Variants in DNAH12 observed in about 807,000 individuals in gnomAD.
DNAH12 encodes axonemal beta dynein heavy chain 12.
Under a neutral mutation model 371.5 loss-of-function variants are expected in DNAH12, and 285 were observed. The ratio of observed to expected loss-of-function variants is 0.77; its 90% CI spans 0.70 to 0.85. The LOEUF is 0.85. DNAH12 is among the 40% of genes least tolerant of loss of function. DNAH12 has a pLI of 0.00. For missense variants in DNAH12, 3,611 were observed against 3,689.4 expected, an observed-to-expected ratio of 0.98 and a Z score of 0.55; for synonymous variants, 1,200 against 1,213.0, an observed-to-expected ratio of 0.99 and a Z score of 0.22.
At position 57,309,265 on chromosome 3, in the gene DNAH12, A is replaced by G. The variant is rs938586420; in HGVS notation, c.11086-11T>C. 2.0e-6 allele frequency: 3 copies of G among 1,526,048 alleles called. No individual in the cohort carries two copies. The highest frequency in any genetic ancestry group is 2.6e-6 in the Non-Finnish European group (3 of 1,135,768). 94.5% of individuals were successfully genotyped at this position (1,526,048 alleles called of 1,614,324 possible). On this transcript the variant is annotated splice_polypyrimidine_tract_variant and intron_variant, in intron 68 of 73. Transcript: ENST00000495027. ...GAAATCACTAGGGAGCTAAAAGAATAGATTTTGAAGATCACAAATTATTCT... is the reference window on the plus strand; with the variant it reads ...GAAATCACTAGGGAGCTAAAAGAATGGATTTTGAAGATCACAAATTATTCT...
chr3:57,303,835 A>G (rs2061413298), intron 69 of DNAH12, among the ~76,000 whole-genome samples: 1 of 152,178 alleles, frequency 6.6e-6, no homozygotes, highest in African/African-American at 2.4e-5. Context: ...AAGCCATCAT[A>G]TCCCCTGTGA....
At chr3:57,445,011 C>T (rs995108676) in intron 28 of DNAH12, among the ~76,000 whole-genome samples, 163 bp downstream of exon 28, 1 of 150,896 alleles carries the variant, frequency 6.6e-6, no homozygotes, top group African/African-American at 2.4e-5. Flanking sequence ...TCTTTGTATT[C>T]ATATGAAGTA....
chr3:57,508,111 A>G (rs1169953792), intron 7 of DNAH12, among the ~76,000 whole-genome samples: 1 of 150,930 alleles, frequency 6.6e-6, no homozygotes, highest in African/African-American at 2.4e-5. Flanking sequence ...TGCTTGAACC[A>G]GGGAGACAAA....
rs542582807 is a variant in DNAH12, at chr3:57,308,919, A to T, written c.11189+232T>A. Among the ~76,000 whole-genome samples, 29 of 152,004 alleles carry T rather than the reference A, an allele frequency of 1.9e-4. 1 individual carries two copies. Among genetic ancestry groups the T allele is most frequent in the African/African-American group, 7.0e-4 (29 of 41,340 alleles). ...TGTAAGACAAATGTTTCTTCTAACA[A>T]CCCTACAATATCACCCCTTACCACA... On this transcript the variant is annotated intron_variant, in intron 69 of 73. Coordinates refer to ENST00000495027, the MANE Select transcript of DNAH12 (RefSeq NM_001366028.2).
intron 59 of DNAH12, among the ~76,000 whole-genome samples, chr3:57,354,556 A>G (rs1412208620): frequency 1.3e-5 from 2 of 151,810 alleles, no homozygotes; most frequent in Non-Finnish European, 2.9e-5. Flanking sequence ...AAAAGAAAAA[A>G]AAAAAGAAAA....
At chr3:57,308,611 C>T (rs1383525570) in intron 69 of DNAH12, among the ~76,000 whole-genome samples, 3 of 152,188 alleles carry the variant, frequency 2.0e-5, no homozygotes, top group Non-Finnish European at 4.4e-5. Context: ...TTCTCAACTA[C>T]TCATAAATGC....
intron 22 of DNAH12, 114 bp from the exon 23 acceptor site, chr3:57,455,008 T>G: frequency 8.8e-7 from 1 of 1,141,618 alleles, no homozygotes; most frequent in South Asian, 2.4e-5. Flanking sequence ...GAATGTCATA[T>G]AGTCATAAAA....
intron 35 of DNAH12, among the ~76,000 whole-genome samples, chr3:57,424,149 A>T (rs2064682992): frequency 6.6e-6 from 1 of 152,128 alleles, no homozygotes; most frequent in South Asian, 2.1e-4. Flanking sequence ...AAATCACTTT[A>T]TTGTTGATCA....
At chr3:57,423,505 C>G (rs187468872) in intron 35 of DNAH12, among the ~76,000 whole-genome samples, 21 of 152,110 alleles carry the variant, frequency 1.4e-4, no homozygotes, top group Non-Finnish European at 2.9e-4. Context: ...AGCAGGAAAC[C>G]CTGGAATGTG....
At chr3:57,518,419 G>A (rs2068280844) in intron 4 of DNAH12, among the ~76,000 whole-genome samples, 1 of 152,010 alleles carries the variant, frequency 6.6e-6, no homozygotes, top group South Asian at 2.1e-4. Flanking sequence ...CCAGCTATTT[G>A]GGAGCCTGAG....
At chr3:57,518,615 G>T (rs2068293102) in intron 4 of DNAH12, among the ~76,000 whole-genome samples, 1 of 152,172 alleles carries the variant, frequency 6.6e-6, no homozygotes, top group South Asian at 2.1e-4. Flanking sequence ...CTGATCTAAG[G>T]CTAGGACAAG....
At chr3:57,309,571 C>G in intron 68 of DNAH12, 95 bp downstream of exon 68, 10 of 1,205,110 alleles carry the variant, frequency 8.3e-6, no homozygotes, top group Non-Finnish European at 1.1e-5. Flanking sequence ...AGTTCTTGCT[C>G]AAGATCATAA....
chr3:57,495,982 T>TATATATATTATATATATATTTTA (rs1559720493), intron 11 of DNAH12, among the ~76,000 whole-genome samples: 6 of 142,542 alleles, frequency 4.2e-5, no homozygotes, highest in African/African-American at 1.6e-4. Flanking sequence ...ATCCCTGATT[T>TATATATATTATATATATATTTTA]TATATATATT....
At chr3:57,500,018 C>T (rs560136907) in intron 11 of DNAH12, among the ~76,000 whole-genome samples, 1 of 149,418 alleles carries the variant, frequency 6.7e-6, no homozygotes, top group Non-Finnish European at 1.5e-5. Context: ...CTTTCAATTG[C>T]CTTTTCCCCA....
chr3:57,479,856 T>A (rs530161540), intron 13 of DNAH12, among the ~76,000 whole-genome samples: 101 of 152,258 alleles, frequency 6.6e-4, no homozygotes, highest in Non-Finnish European at 1.2e-3. Flanking sequence ...GAAATAAAGA[T>A]GTTCTTTGAA....
In DNAH12 at chr3:57,457,474, TC is replaced by T. The variant is rs945100079; in HGVS notation, c.3336+246del. Among the ~76,000 whole-genome samples, 18 of 152,264 alleles carry T rather than the reference TC, an allele frequency of 1.2e-4. No homozygotes were observed. The East Asian group carries it at 3.3e-3, about 28-fold the overall frequency. On this transcript the variant is annotated intron_variant, in intron 22 of 73. Transcript: ENST00000495027. Reference sequence around the variant, plus strand: ...TCTCCAATAGCCTATCACTGGACCTTCCCCCATTCTAAATTATATACCTCTT... The same window carrying T: ...TCTCCAATAGCCTATCACTGGACCTTCCCCATTCTAAATTATATACCTCTT...
chr3:57,324,583 G>C (rs934440776), intron 62 of DNAH12, among the ~76,000 whole-genome samples: 2 of 152,118 alleles, frequency 1.3e-5, no homozygotes, highest in African/African-American at 4.8e-5. Context: ...AAAGCCTGGG[G>C]GGAGGAGCCA....
At chr3:57,307,870 T>G (rs890400974) in intron 69 of DNAH12, among the ~76,000 whole-genome samples, 4 of 152,214 alleles carry the variant, frequency 2.6e-5, no homozygotes, top group African/African-American at 9.6e-5. Context: ...TGATGGCAGT[T>G]CCACCAGGCC....
chr3:57,343,541 T>C (rs151039319), intron 60 of DNAH12, among the ~76,000 whole-genome samples: 1 of 152,250 alleles, frequency 6.6e-6, no homozygotes, highest in East Asian at 1.9e-4. Flanking sequence ...CCTTGAAAGC[T>C]GGGTATTGTC....
Sources: allele counts gnomAD v4.1 joint callset (sites outside exome capture counted in the v4.1 genomes callset), GRCh38; gene constraint gnomAD v4.1.1; transcripts MANE v1.5; gene names NCBI Gene and HGNC (gene_info 2026-07-23, HGNC 2026-07-21).